Variants in TAFA2 observed in about 807,000 individuals in gnomAD.
TAFA2 encodes chemokine-like protein TAFA-2.
A neutral mutation model predicts 18.8 loss-of-function variants in TAFA2; 7 were observed. The ratio of observed to expected loss-of-function variants is 0.37; its 90% CI spans 0.21 to 0.70. TAFA2 has a LOEUF of 0.70. TAFA2 is among the 30% of genes least tolerant of loss of function. The pLI is 0.53. For missense variants in TAFA2, 122 were observed against 158.1 expected (o/e 0.77, Z 1.23); for synonymous variants, 60 against 54.2 (o/e 1.11, Z -0.47).
chr12:61,726,267 T>C (rs1268284265), intron 4 of TAFA2, among the ~76,000 whole-genome samples: 1 of 151,978 alleles, frequency 6.6e-6, no homozygotes, highest in Non-Finnish European at 1.5e-5. Context: ...TCTAGTTATA[T>C]GAAGAATGAT....
At chr12:61,978,030 TGAAGATGCTCA>T (rs1216685906) in intron 1 of TAFA2, among the ~76,000 whole-genome samples, 1 of 152,076 alleles carries the variant, frequency 6.6e-6, no homozygotes, top group East Asian at 1.9e-4. Flanking sequence ...GTGACCATGA[TGAAGATGCTCA>T]GAAGTAGCAT....
intron 1 of TAFA2, among the ~76,000 whole-genome samples, chr12:62,114,930 C>T (rs1869895698): frequency 6.6e-6 from 1 of 152,078 alleles, no homozygotes; most frequent in Admixed American, 6.6e-5. Flanking sequence ...TTTGTCATAG[C>T]TCTTACATGG....
intron 4 of TAFA2, among the ~76,000 whole-genome samples, chr12:61,716,481 A>T (rs12810297): frequency 0.029 from 4,396 of 152,208 alleles, 106 homozygotes; most frequent in Non-Finnish European, 0.044. Flanking sequence ...AGATTTTTTT[A>T]AATTTCAGTT....
chr12:61,881,595 G>A lies in TAFA2; in HGVS notation c.-1-14169C>T, dbSNP rs181574501. 6.6e-5 allele frequency among the ~76,000 whole-genome samples: 10 copies of A among 152,188 alleles called. No homozygotes were observed. In the East Asian group the frequency reaches 1.9e-3, roughly 29 times the overall value. On this transcript the variant is annotated intron_variant, in intron 1 of 4. Transcript: ENST00000416284. ...TGATGGGGCTGGTAGGAGCCATACA[G>A]CCCAGTCAGTGAAGTGAGGGCTCAA...
intron 4 of TAFA2, among the ~76,000 whole-genome samples, chr12:61,724,859 T>C (rs190588367): frequency 8.7e-6 from 1 of 114,466 alleles, no homozygotes; most frequent in African/African-American, 3.7e-5. Flanking sequence ...CTGGATCAAA[T>C]TGTACATCTA....
chr12:62,053,006 T>A (rs1372948188), intron 1 of TAFA2, among the ~76,000 whole-genome samples: 1 of 152,196 alleles, frequency 6.6e-6, no homozygotes, highest in East Asian at 1.9e-4. Flanking sequence ...TGGGTCGTTG[T>A]CGTTTTTATT....
At chr12:61,967,442 C>A (rs1395683991) in intron 1 of TAFA2, among the ~76,000 whole-genome samples, 1 of 151,842 alleles carries the variant, frequency 6.6e-6, no homozygotes, top group Non-Finnish European at 1.5e-5. Flanking sequence ...ATTCATCATG[C>A]ACCTAGTGAA....
rs544768319 is a variant in TAFA2, at chr12:61,907,743, G to C, written c.-1-40317C>G. 6.6e-5 allele frequency among the ~76,000 whole-genome samples: 10 copies of C among 151,258 alleles called. No homozygotes were observed. In the East Asian group the frequency reaches 1.6e-3, roughly 23 times the overall value. ...CAGACACTCAACACCTATGAAAGCA[G>C]GCAGGAGCGGGGGATGTACCCTGCA... On this transcript the variant is annotated intron_variant, in intron 1 of 4. Transcript: ENST00000416284.
At chr12:61,827,880 A>G (rs759481327) in intron 2 of TAFA2, among the ~76,000 whole-genome samples, 1 of 152,010 alleles carries the variant, frequency 6.6e-6, no homozygotes, top group Non-Finnish European at 1.5e-5. Context: ...TGTTCAAAAA[A>G]TGACTCTTTA....
At chr12:61,841,648 A>G (rs1873186614) in intron 2 of TAFA2, among the ~76,000 whole-genome samples, 2 of 152,038 alleles carry the variant, frequency 1.3e-5, no homozygotes, top group African/African-American at 4.8e-5. Flanking sequence ...TTTTCATACA[A>G]ATTTCAGGAT....
At chr12:61,945,408 C>T (rs1377486005) in intron 1 of TAFA2, among the ~76,000 whole-genome samples, 1 of 113,702 alleles carries the variant, frequency 8.8e-6, no homozygotes, top group Admixed American at 9.3e-5. Flanking sequence ...GACAGGGATG[C>T]CCTCTCTCAC....
chr12:62,067,418 T>G, intron 1 of TAFA2, among the ~76,000 whole-genome samples: 1 of 152,080 alleles, frequency 6.6e-6, no homozygotes, highest in East Asian at 1.9e-4. Context: ...GTTTCCCCTA[T>G]GTTTTCTTTT....
In TAFA2 at chr12:61,867,411, G is replaced by A. The variant is rs757319279; in HGVS notation, c.15C>T (p.Tyr5=). The stretch of plus-strand genomic sequence containing the variant: ...GTTTTCCTTTTGTTGCTTTCTGTAA[G>A]TATCTCTTACTCATCCTGCAAATAA... MSKR[Y]LQKATKGKLL... The change falls in exon 2 of 5, where the codon TAC becomes TAT. Residue 5 remains tyrosine (Y), a synonymous_variant. Transcript: ENST00000416284. 1 of 1,573,572 alleles carries A rather than the reference G, an allele frequency of 6.4e-7. No individual in the cohort carries two copies. The highest frequency in any genetic ancestry group is 1.1e-5 in the South Asian group (1 of 89,136).
Position 62,074,697 on chromosome 12 carries a change from A to C in TAFA2, c.-2+116562T>G, listed in dbSNP as rs1324556483. ...ACATCCAAATCCTTCTAACTACATGAATTTTTTTTTTTTTTTTTTTTTGAG... is the reference window on the plus strand; with the variant it reads ...ACATCCAAATCCTTCTAACTACATGCATTTTTTTTTTTTTTTTTTTTTGAG... On this transcript the variant is annotated intron_variant, in intron 1 of 4. Coordinates refer to ENST00000416284, the MANE Select transcript of TAFA2 (RefSeq NM_178539.5). 1.1e-4 allele frequency among the ~76,000 whole-genome samples: 14 copies of C among 124,884 alleles called. 2 individuals carry two copies. In the South Asian group the frequency reaches 3.2e-3, roughly 29 times the overall value. The allele number at this position is 124,884 out of a possible 152,430, so 81.9% of individuals were successfully genotyped here.
At chr12:62,250,710 C>T (rs2062909176) in intron 1 of TAFA2, among the ~76,000 whole-genome samples, 1 of 152,108 alleles carries the variant, frequency 6.6e-6, no homozygotes, top group South Asian at 2.1e-4. Context: ...TATTTTCATG[C>T]TTTATCTTTC....
chr12:61,888,797 C>T (rs1284306606), intron 1 of TAFA2, among the ~76,000 whole-genome samples: 1 of 152,140 alleles, frequency 6.6e-6, no homozygotes, highest in Non-Finnish European at 1.5e-5. Flanking sequence ...TGGTAATTGC[C>T]AGATTCTTAG....
intron 1 of TAFA2, among the ~76,000 whole-genome samples, chr12:62,142,106 G>T (rs2062244767): frequency 6.6e-6 from 1 of 152,182 alleles, no homozygotes; most frequent in African/African-American, 2.4e-5. Context: ...TATAAATGAA[G>T]AAACTGGGGC....
intron 1 of TAFA2, among the ~76,000 whole-genome samples, chr12:62,067,097 C>T (rs348650): frequency 0.66 from 100,666 of 151,902 alleles, 33,552 homozygotes; most frequent in Admixed American, 0.69. Context: ...TGCCTGTTTG[C>T]CATTTGTATG....
chr12:62,167,141 A>G (rs1216812055), intron 1 of TAFA2, among the ~76,000 whole-genome samples: 1 of 152,146 alleles, frequency 6.6e-6, no homozygotes, highest in African/African-American at 2.4e-5. Context: ...ATAAATATAC[A>G]TATGTATTTA....
Sources: allele counts gnomAD v4.1 joint callset (sites outside exome capture counted in the v4.1 genomes callset), GRCh38; gene constraint gnomAD v4.1.1; transcripts MANE v1.5; gene names NCBI Gene and HGNC (gene_info 2026-07-23, HGNC 2026-07-21).